The following PUM2 variants were observed in gnomAD, a reference collection of about 807,000 sequenced individuals.
The protein encoded by PUM2 is pumilio RNA binding family member 2.
PUM2 carries 57 observed loss-of-function variants against 124.5 expected under a neutral mutation model. The observed-to-expected ratio is 0.46, with a 90% CI of 0.37 to 0.57. The LOEUF (loss-of-function observed/expected upper bound fraction) is 0.57, where lower values mean the gene tolerates loss of function less well. PUM2 is among the 20% of genes least tolerant of loss of function. The pLI, the probability that PUM2 is intolerant of heterozygous loss-of-function variation, is 0.00. For synonymous variants in PUM2, 460 were observed against 446.1 expected (o/e 1.03, Z -0.39); for missense variants, 1,065 against 1,290.6 (o/e 0.83, Z 2.68).
chr2:20,310,633 GGCACTGTTTTTAAGAA>G (rs976217854), intron 5 of PUM2, among the ~76,000 whole-genome samples: 1 of 150,760 alleles, frequency 6.6e-6, no homozygotes, highest in Non-Finnish European at 1.5e-5. Flanking sequence ...AGATAGAAAT[GGCACTGTTTTTAAGAA>G]GCATTGTTAC....
chr2:20,282,738 G>A (rs544037024), intron 12 of PUM2, among the ~76,000 whole-genome samples: 8 of 152,254 alleles, frequency 5.3e-5, no homozygotes, highest in African/African-American at 1.9e-4. Flanking sequence ...TTATATATGA[G>A]TAAAGAACAG....
chr2:20,308,375 T>C lies in PUM2; in HGVS notation c.728A>G (p.Gln243Arg). The change falls in exon 6 of 21, where the codon CAG becomes CGG. Residue 243 changes from glutamine to arginine, a missense_variant. Transcript: ENST00000361078. ...AGCTCCTGAAGAGTCCATTGGTACC[T>C]GATTACCAGGATAGTCAAACTGTAA... Reference protein sequence around the residue: ...ESLQFDYPGNQVPMDSSGATV... With the variant: ...ESLQFDYPGNRVPMDSSGATV... 1 of 1,614,080 alleles carries C rather than the reference T, an allele frequency of 6.2e-7. No individual in the cohort carries two copies. The highest frequency in any genetic ancestry group is 8.5e-7 in the Non-Finnish European group (1 of 1,179,932).
intron 20 of PUM2, among the ~76,000 whole-genome samples, 187 bp from the exon 21 acceptor site, chr2:20,251,903 A>G (rs1350173914): frequency 6.6e-6 from 1 of 152,224 alleles, no homozygotes; most frequent in Non-Finnish European, 1.5e-5. Flanking sequence ...TGTTCTCGAA[A>G]TTGTTCAATG....
Position 20,333,519 on chromosome 2 carries a change from GCAA to G in PUM2, c.-18-6144_-18-6142del, listed in dbSNP as rs555891761. On this transcript the variant is annotated intron_variant, in intron 1 of 20. Transcript: ENST00000361078. ...AAGACCCTGTCTCAAAAAAAGAAAA[GCAA>G]CAACAACAACAACAAAAACAAAAGC... 1.0e-3 allele frequency among the ~76,000 whole-genome samples: 156 copies of G among 151,718 alleles called. 2 individuals carry two copies. Among genetic ancestry groups the G allele is most frequent in the African/African-American group, 3.6e-3 (147 of 41,334 alleles).
chr2:20,345,473 A>G (rs1688068973), intron 1 of PUM2, among the ~76,000 whole-genome samples: 3 of 152,106 alleles, frequency 2.0e-5, no homozygotes, highest in Admixed American at 2.0e-4. Context: ...CACAAGTTTA[A>G]TCTTCTCTCC....
At position 20,349,706 on chromosome 2, in the gene PUM2, C is replaced by G. The variant is rs573394143; in HGVS notation, c.-19+891G>C. 1.2e-3 allele frequency among the ~76,000 whole-genome samples: 182 copies of G among 152,208 alleles called. 1 individual carries two copies. The highest frequency in any genetic ancestry group is 4.1e-3 in the African/African-American group (170 of 41,508). On this transcript the variant is annotated intron_variant, in intron 1 of 20. Coordinates refer to ENST00000361078, the MANE Select transcript of PUM2 (RefSeq NM_015317.5). ...TTACAGGTATTACATTTCTCTTCAC[C>G]GTTTACAAGCATTTTTCTCATGTTT...
chr2:20,324,664 T>C (rs1204560502), intron 2 of PUM2, among the ~76,000 whole-genome samples: 4 of 152,168 alleles, frequency 2.6e-5, no homozygotes, highest in Admixed American at 1.3e-4. Context: ...TGCAAATCAG[T>C]AGGTCTTTCG....
At chr2:20,255,087 T>C in intron 18 of PUM2, 103 bp from the exon 19 acceptor site, 1 of 1,476,940 alleles carries the variant, frequency 6.8e-7, no homozygotes, top group Non-Finnish European at 9.3e-7. Context: ...GTAGGATAGT[T>C]AGGAGAATAC....
intron 1 of PUM2, among the ~76,000 whole-genome samples, chr2:20,327,843 G>C (rs1356759729): frequency 1.3e-5 from 2 of 152,154 alleles, no homozygotes; most frequent in African/African-American, 4.8e-5. Flanking sequence ...AGAGCTGCTG[G>C]AAAGTAAGAA....
chr2:20,325,206 T>C (rs1446002379), intron 2 of PUM2, among the ~76,000 whole-genome samples: 2 of 152,128 alleles, frequency 1.3e-5, no homozygotes, highest in East Asian at 1.9e-4. Flanking sequence ...AGCTATCTTT[T>C]TGAGGTGACA....
chr2:20,320,812 T>A (rs112597364), intron 2 of PUM2, among the ~76,000 whole-genome samples: 543 of 152,176 alleles, frequency 3.6e-3, no homozygotes, highest in African/African-American at 0.012. Context: ...AAAGCATACT[T>A]GATATATTTA....
chr2:20,277,337 A>G (rs1670492349), intron 13 of PUM2, among the ~76,000 whole-genome samples: 1 of 152,280 alleles, frequency 6.6e-6, no homozygotes, highest in Non-Finnish European at 1.5e-5. Flanking sequence ...CTAAGAATAC[A>G]TGATAAATGA....
Position 20,291,093 on chromosome 2 carries a change from A to G in PUM2, c.1153-303T>C, listed in dbSNP as rs1203288161. Among the ~76,000 whole-genome samples, 20 of 152,284 alleles carry G rather than the reference A, an allele frequency of 1.3e-4. No individual in the cohort carries two copies. In the South Asian group the frequency reaches 3.9e-3, roughly 30 times the overall value. On this transcript the variant is annotated intron_variant, in intron 9 of 20. Transcript: ENST00000361078. ...TAGTTTAAAAAATAATAATAATAATAATGAGCTTTTATTATTCTCAACAAC... is the reference window on the plus strand; with the variant it reads ...TAGTTTAAAAAATAATAATAATAATGATGAGCTTTTATTATTCTCAACAAC...
At chr2:20,296,812 A>G (rs1675713602) in intron 8 of PUM2, among the ~76,000 whole-genome samples, 1 of 152,176 alleles carries the variant, frequency 6.6e-6, no homozygotes, top group East Asian at 1.9e-4. Flanking sequence ...AAGATCAGCA[A>G]ATCGCTTTGT....
At position 20,249,833 on chromosome 2, in the gene PUM2, CAA is replaced by C. The variant is rs1167032254; in HGVS notation, c.*1750_*1751del. 6.6e-6 allele frequency: 1 copy of C among 152,548 alleles called. No homozygotes were observed. The highest frequency in any genetic ancestry group is 2.4e-5 in the African/African-American group (1 of 41,416). The allele number at this position is 152,548 out of a possible 1,614,324, so 9.4% of individuals were successfully genotyped here. On this transcript the variant is annotated 3_prime_UTR_variant, in exon 21 of 21. Transcript: ENST00000361078. ...TCTTTCAGAAACTGAATATACACAG[CAA>C]GTTTTTTTCCAAAATATTTTCATAG...
rs928530761 is a variant in PUM2, at chr2:20,265,910, G to A, written c.1958-2450C>T. On this transcript the variant is annotated intron_variant, in intron 13 of 20. Coordinates refer to ENST00000361078, the MANE Select transcript of PUM2 (RefSeq NM_015317.5). ...ATTTTCGACACCAAATTCAAAATACGTACTCACCCCAGGAAATGAAGAAGC... is the reference window on the plus strand; with the variant it reads ...ATTTTCGACACCAAATTCAAAATACATACTCACCCCAGGAAATGAAGAAGC... Among the ~76,000 whole-genome samples the A allele has an allele frequency of 2.0e-5, 3 of 151,936 alleles. No homozygotes were observed. In the East Asian group the frequency reaches 5.8e-4, roughly 29 times the overall value.
intron 8 of PUM2, 131 bp from the exon 9 acceptor site, chr2:20,294,649 A>G: frequency 9.2e-7 from 1 of 1,085,170 alleles, no homozygotes; most frequent in Non-Finnish European, 1.3e-6. Flanking sequence ...TTATAATAAA[A>G]GACAAAGTAT....
At chr2:20,315,415 T>A (rs1392336094) in intron 3 of PUM2, among the ~76,000 whole-genome samples, 2 of 152,010 alleles carry the variant, frequency 1.3e-5, no homozygotes, top group Non-Finnish European at 1.5e-5. Context: ...AACAAGAAGG[T>A]GTTATGCATA....
In PUM2 at chr2:20,255,339, T is replaced by C. The variant is rs1246851607; in HGVS notation, c.2625A>G (p.Val875=). ...CATAAGGATGAGTTGAAAGCACAAA[T>C]ACCTGAGGACAATTAGAAGAATTAA... is the stretch of plus-strand genomic sequence containing the variant. ...QFIIDAFKGQ[V]FVLSTHPYGC... Residue 875 remains valine (V), a splice_region_variant and synonymous_variant, in exon 18 of 21, where the codon GTA becomes GTG. Coordinates refer to ENST00000361078, the MANE Select transcript of PUM2 (RefSeq NM_015317.5). 3.1e-6 allele frequency: 5 copies of C among 1,611,004 alleles called. No homozygotes were observed. Among genetic ancestry groups the C allele is most frequent in the African/African-American group, 2.7e-5 (2 of 74,838 alleles).
Sources: allele counts gnomAD v4.1 joint callset (sites outside exome capture counted in the v4.1 genomes callset), GRCh38; gene constraint gnomAD v4.1.1; transcripts MANE v1.5; gene names NCBI Gene and HGNC (gene_info 2026-07-23, HGNC 2026-07-21).